KSR2: variants seen among roughly 807,000 people sequenced by gnomAD.
KSR2 encodes kinase suppressor of ras 2.
Under a neutral mutation model 107.8 loss-of-function variants are expected in KSR2, and 25 were observed. The observed-to-expected ratio is 0.23, with a 90% CI of 0.17 to 0.32. The LOEUF is 0.32. Ranked by LOEUF, KSR2 falls within the 10% of genes least tolerant of loss-of-function variation. The pLI is 1.00. For missense variants in KSR2, 887 were observed against 1,268.9 expected (o/e 0.70, Z 4.57); for synonymous variants, 480 against 507.0 (o/e 0.95, Z 0.71).
chr12:117,546,881 A>G (rs572166497), intron 9 of KSR2, among the ~76,000 whole-genome samples: 3 of 152,216 alleles, frequency 2.0e-5, no homozygotes, highest in African/African-American at 7.2e-5. Flanking sequence ...GGGACTTCTT[A>G]TGTTTTCATT....
chr12:117,840,785 G>A (rs541943990), intron 3 of KSR2, among the ~76,000 whole-genome samples: 1 of 151,686 alleles, frequency 6.6e-6, no homozygotes, highest in South Asian at 2.1e-4. Context: ...GGCGAATCAC[G>A]AGGTCAGGAG....
At chr12:117,485,006 G>A (rs1308890922) in intron 15 of KSR2, among the ~76,000 whole-genome samples, 1 of 152,154 alleles carries the variant, frequency 6.6e-6, no homozygotes, top group Non-Finnish European at 1.5e-5. Context: ...AGAGTCTATT[G>A]GAGGCCTCGT....
chr12:117,732,287 T>C (rs1053446475), intron 4 of KSR2, among the ~76,000 whole-genome samples: 1 of 149,744 alleles, frequency 6.7e-6, no homozygotes, highest in East Asian at 2.0e-4. Context: ...GCTTCCTGAA[T>C]TTTTTTCTTT....
rs189014988 is a variant in KSR2 at position 117,963,810 on chromosome 12, G to C, written c.180+4266C>G. 1.3e-3 allele frequency among the ~76,000 whole-genome samples: 198 copies of C among 152,196 alleles called. 1 individual carries two copies. Among genetic ancestry groups the C allele is most frequent in the African/African-American group, 4.5e-3 (188 of 41,540 alleles). ...TTCTGGGCAAAATGGTCTCTAGGCT[G>C]CCCCATGAAGGCATTCAAATACCTT... On this transcript the variant is annotated intron_variant, in intron 1 of 19. Coordinates refer to ENST00000339824, the MANE Select transcript of KSR2 (RefSeq NM_173598.6).
intron 7 of KSR2, among the ~76,000 whole-genome samples, chr12:117,562,115 G>A (rs887969476): frequency 1.2e-4 from 19 of 152,212 alleles, no homozygotes; most frequent in Non-Finnish European, 2.8e-4. Context: ...GGTGTCAAGG[G>A]TAGGGGAAGC....
chr12:117,968,906 TGCTGCTGCC>T lies in KSR2; in HGVS notation c.-660_-652del. ...CTCCTCCCCGCGCTGCTGCTGCTGC[TGCTGCTGCC>T]GCCGCCGGGCTCCGGGGGTGACGGT... is the stretch of plus-strand genomic sequence containing the variant. On this transcript the variant is annotated 5_prime_UTR_variant, in exon 1 of 20. Coordinates refer to ENST00000339824, the MANE Select transcript of KSR2 (RefSeq NM_173598.6). 1 of 258,082 alleles carries T rather than the reference TGCTGCTGCC, an allele frequency of 3.9e-6. No homozygotes were observed. The highest frequency in any genetic ancestry group is 3.5e-5 in the South Asian group (1 of 28,770). The allele number at this position is 258,082 out of a possible 1,614,324, so 16.0% of individuals were successfully genotyped here.
intron 7 of KSR2, among the ~76,000 whole-genome samples, chr12:117,559,979 A>G (rs1243493940): frequency 6.6e-6 from 1 of 152,184 alleles, no homozygotes; most frequent in Non-Finnish European, 1.5e-5. Flanking sequence ...AGACGTATAC[A>G]TTAAACTCAG....
At chr12:117,648,510 T>C (rs1883753777) in intron 5 of KSR2, among the ~76,000 whole-genome samples, 1 of 152,248 alleles carries the variant, frequency 6.6e-6, no homozygotes, top group Admixed American at 6.5e-5. Context: ...TAGCAGGCTA[T>C]GGATATGAGG....
chr12:117,872,558 C>T (rs1893685596), intron 1 of KSR2, among the ~76,000 whole-genome samples: 1 of 150,448 alleles, frequency 6.6e-6, no homozygotes, highest in Non-Finnish European at 1.5e-5. Context: ...GAGCAAGACG[C>T]TGTCTCCAAA....
intron 5 of KSR2, among the ~76,000 whole-genome samples, chr12:117,645,886 T>TGTGC (rs1006457186): frequency 5.3e-5 from 8 of 150,526 alleles, no homozygotes; most frequent in African/African-American, 2.0e-4. Flanking sequence ...TGTGTGTGTG[T>TGTGC]GTGTGTGTGT....
At chr12:117,914,112 A>G (rs1006236577) in intron 1 of KSR2, among the ~76,000 whole-genome samples, 24 of 152,182 alleles carry the variant, frequency 1.6e-4, no homozygotes, top group African/African-American at 5.8e-4. Flanking sequence ...TTCTGGGTGT[A>G]CACTGTTATC....
intron 5 of KSR2, among the ~76,000 whole-genome samples, chr12:117,599,372 C>T (rs569606891): frequency 1.9e-4 from 29 of 152,160 alleles, no homozygotes; most frequent in Non-Finnish European, 3.2e-4. Flanking sequence ...GTTGTTAATA[C>T]GTCAATTGCT....
At chr12:117,904,462 A>G (rs1894780293) in intron 1 of KSR2, among the ~76,000 whole-genome samples, 1 of 152,162 alleles carries the variant, frequency 6.6e-6, no homozygotes, top group African/African-American at 2.4e-5. Context: ...TTCCACATCA[A>G]CACTTGGTTT....
At chr12:117,622,785 C>A (rs967233100) in intron 5 of KSR2, among the ~76,000 whole-genome samples, 1 of 152,182 alleles carries the variant, frequency 6.6e-6, no homozygotes, top group African/African-American at 2.4e-5. Flanking sequence ...CAAACCCATC[C>A]AAGCTGTTAC....
At chr12:117,829,250 T>C (rs2723283) in intron 3 of KSR2, among the ~76,000 whole-genome samples, 102,588 of 151,980 alleles carry the variant, frequency 0.68, 35,261 homozygotes, top group African/African-American at 0.79. Context: ...TCACTACAGG[T>C]TTTTCCGTAT....
intron 4 of KSR2, among the ~76,000 whole-genome samples, chr12:117,740,052 A>G (rs1888113297): frequency 6.6e-6 from 1 of 151,734 alleles, no homozygotes. Flanking sequence ...ACTGAACCCA[A>G]TTTGTAGTCT....
chr12:117,566,730 G>A (rs1565903527), intron 7 of KSR2, among the ~76,000 whole-genome samples: 1 of 152,152 alleles, frequency 6.6e-6, no homozygotes, highest in Non-Finnish European at 1.5e-5. Flanking sequence ...TCTGTGCCAA[G>A]GGCTATGCTA....
chr12:117,586,629 A>AGAAAGAAAGAAAG (rs1555219140), intron 5 of KSR2, among the ~76,000 whole-genome samples: 5 of 138,314 alleles, frequency 3.6e-5, no homozygotes, highest in African/African-American at 1.4e-4. Context: ...AAAAGAAAGA[A>AGAAAGAAAGAAAG]AAAGAAAGAA....
At chr12:117,594,415 TGTA>T (rs1880514101) in intron 5 of KSR2, among the ~76,000 whole-genome samples, 2 of 152,360 alleles carry the variant, frequency 1.3e-5, no homozygotes, top group Admixed American at 6.5e-5. Flanking sequence ...TCACACTGTC[TGTA>T]GCTTGCAGAC....
Sources: gnomAD v4.1 joint callset for allele counts (sites outside exome capture counted in the v4.1 genomes callset) on GRCh38, gnomAD v4.1.1 for gene constraint, MANE v1.5 for transcripts, NCBI Gene and HGNC (gene_info 2026-07-23, HGNC 2026-07-21) for gene names.